Variants in CNMD observed in about 807,000 individuals in gnomAD.
CNMD encodes chondromodulin.
CNMD carries 30 observed loss-of-function variants against 37.5 expected under a neutral mutation model. That is an observed-to-expected ratio of 0.80 (90% CI 0.60 to 1.09). The LOEUF (loss-of-function observed/expected upper bound fraction) is 1.09. Among genes scored for constraint, CNMD ranks in the 50% least tolerant of loss-of-function variants. The pLI, the probability that CNMD is intolerant of heterozygous loss-of-function variation, is 0.00. For synonymous variants in CNMD, 167 were observed against 148.2 expected, an observed-to-expected ratio of 1.13 and a Z score of -0.92; for missense variants, 398 against 423.9, an observed-to-expected ratio of 0.94 and a Z score of 0.54.
intron 2 of CNMD, among the ~76,000 whole-genome samples, chr13:52,735,082 T>C (rs1387997972): frequency 6.6e-6 from 1 of 152,216 alleles, no homozygotes; most frequent in Non-Finnish European, 1.5e-5. Flanking sequence ...GCTTCCCTGA[T>C]CACAAGAACC....
intron 5 of CNMD, among the ~76,000 whole-genome samples, chr13:52,710,458 G>A (rs986658717): frequency 1.3e-5 from 2 of 152,128 alleles, no homozygotes; most frequent in Admixed American, 1.3e-4. Flanking sequence ...AGCTCTCCCC[G>A]TTCCCCTCTG....
intron 3 of CNMD, among the ~76,000 whole-genome samples, chr13:52,727,156 A>G (rs961381489): frequency 2.0e-5 from 3 of 152,114 alleles, no homozygotes; most frequent in Non-Finnish European, 2.9e-5. Flanking sequence ...CTGTTATCCC[A>G]GTTACTCGAG....
intron 4 of CNMD, 34 bp from the exon 5 acceptor site, chr13:52,712,903 G>A (rs1964314810): frequency 1.3e-6 from 2 of 1,493,460 alleles, no homozygotes; most frequent in Admixed American, 2.3e-5. Context: ...TGAGCAAAGA[G>A]GACAGTGAAA....
chr13:52,703,958 T>A, intron 6 of CNMD, 148 bp from the exon 7 acceptor site: 2 of 641,328 alleles, frequency 3.1e-6, no homozygotes, highest in Non-Finnish European at 2.6e-6. Flanking sequence ...CTGTCATTCA[T>A]AATTCATGTT....
chr13:52,717,460 T>G (rs1360731193), intron 4 of CNMD, among the ~76,000 whole-genome samples: 1 of 152,248 alleles, frequency 6.6e-6, no homozygotes, highest in Non-Finnish European at 1.5e-5. Context: ...GCCCATTCAC[T>G]ATGATATTGG....
In CNMD at chr13:52,703,466, T is replaced by A. The variant is rs932739851; in HGVS notation, c.*129A>T. The A allele has an allele frequency of 1.6e-6, 1 of 622,336 alleles. No individual in the cohort carries two copies. The highest frequency in any genetic ancestry group is 1.8e-5 in the African/African-American group (1 of 54,792). The allele number at this position is 622,336 out of a possible 1,614,324, so 38.6% of individuals were successfully genotyped here. A position where few individuals can be genotyped will look rare whatever the true frequency, so the allele number is the denominator to read the frequency against. On this transcript the variant is annotated 3_prime_UTR_variant, in exon 7 of 7. Coordinates refer to ENST00000377962, the MANE Select transcript of CNMD (RefSeq NM_007015.3). ...AATTGAAAAAATTCTGTTAAGAGTG[T>A]CAAGAATAACCGCTCAGGTTGAGTG...
At chr13:52,728,166 T>A (rs1427259305) in intron 3 of CNMD, among the ~76,000 whole-genome samples, 1 of 152,066 alleles carries the variant, frequency 6.6e-6, no homozygotes, top group Non-Finnish European at 1.5e-5. Context: ...GGCAGGAGGA[T>A]CACGAGGTCA....
At chr13:52,715,750 A>G (rs1484551226) in intron 4 of CNMD, among the ~76,000 whole-genome samples, 1 of 152,164 alleles carries the variant, frequency 6.6e-6, no homozygotes, top group East Asian at 1.9e-4. Flanking sequence ...CCAGTCTATC[A>G]TTGATGGGCA....
chr13:52,708,818 G>A, intron 5 of CNMD, 116 bp from the exon 6 acceptor site: 2 of 821,400 alleles, frequency 2.4e-6, no homozygotes, highest in East Asian at 2.6e-5. Flanking sequence ...ATAACCAGAT[G>A]GCTTAAAATT....
At chr13:52,718,270 G>A (rs1964423980) in intron 4 of CNMD, among the ~76,000 whole-genome samples, 1 of 151,960 alleles carries the variant, frequency 6.6e-6, no homozygotes, top group Non-Finnish European at 1.5e-5. Flanking sequence ...CTATCTATTT[G>A]TTAATCTCTT....
chr13:52,724,417 C>CAAAAAAAAAA (rs71094319), intron 3 of CNMD, among the ~76,000 whole-genome samples: 739 of 82,688 alleles, frequency 8.9e-3, no homozygotes, highest in Middle Eastern at 0.012. Flanking sequence ...ACTAAAAATA[C>CAAAAAAAAAA]AAAAAAAAAA....
intron 6 of CNMD, among the ~76,000 whole-genome samples, chr13:52,708,112 A>G (rs1964219870): frequency 6.6e-6 from 1 of 152,204 alleles, no homozygotes; most frequent in Non-Finnish European, 1.5e-5. Flanking sequence ...TATTTTTAAA[A>G]TAATTGAATA....
chr13:52,706,335 A>T (rs1964172873), intron 6 of CNMD, among the ~76,000 whole-genome samples: 1 of 152,162 alleles, frequency 6.6e-6, no homozygotes, highest in South Asian at 2.1e-4. Flanking sequence ...GATGCAGCAG[A>T]CTCATGCTTC....
chr13:52,710,555 G>A (rs969895042), intron 5 of CNMD, among the ~76,000 whole-genome samples: 1 of 152,228 alleles, frequency 6.6e-6, no homozygotes, highest in Non-Finnish European at 1.5e-5. Flanking sequence ...CCAAGGGCAT[G>A]GGCCGCTGGA....
At chr13:52,722,338 A>G (rs1223578806) in intron 4 of CNMD, among the ~76,000 whole-genome samples, 1 of 152,232 alleles carries the variant, frequency 6.6e-6, no homozygotes, top group Admixed American at 6.5e-5. Flanking sequence ...ACAATCAGGC[A>G]GTTTCCAGGC....
chr13:52,714,308 G>C (rs1033575685), intron 4 of CNMD, among the ~76,000 whole-genome samples: 1 of 152,014 alleles, frequency 6.6e-6, no homozygotes. Context: ...ATTGCTTACT[G>C]TGGAGAAAAA....
chr13:52,722,278 T>C (rs1964497413), intron 4 of CNMD, among the ~76,000 whole-genome samples: 1 of 152,168 alleles, frequency 6.6e-6, no homozygotes, highest in Non-Finnish European at 1.5e-5. Context: ...TTTTAGCTTT[T>C]GTGTTGTTCT....
chr13:52,708,934 A>G (rs921653518), intron 5 of CNMD, among the ~76,000 whole-genome samples: 1 of 152,218 alleles, frequency 6.6e-6, no homozygotes, highest in African/African-American at 2.4e-5. Context: ...TGAAGATGAC[A>G]TTGTAAGATG....
chr13:52,732,369 G>A (rs1402021858), intron 3 of CNMD, among the ~76,000 whole-genome samples: 1 of 152,046 alleles, frequency 6.6e-6, no homozygotes, highest in Non-Finnish European at 1.5e-5. Flanking sequence ...CAGGAAATTC[G>A]GCCTGAAGTG....
Sources: allele counts gnomAD v4.1 joint callset (sites outside exome capture counted in the v4.1 genomes callset), GRCh38; gene constraint gnomAD v4.1.1; transcripts MANE v1.5; gene names NCBI Gene and HGNC (gene_info 2026-07-23, HGNC 2026-07-21).